The following TLR1 variants were observed in gnomAD, a reference collection of about 807,000 sequenced individuals.
The protein encoded by TLR1 is toll like receptor 1.
TLR1 carries 19 observed loss-of-function variants against 20.2 expected under a neutral mutation model. That is an observed-to-expected ratio of 0.94 (90% CI 0.66 to 1.38). The LOEUF is 1.38. Among genes scored for constraint, TLR1 ranks in the 40% most tolerant of loss-of-function variants. The pLI is 0.00. For synonymous variants in TLR1, 320 were observed against 334.5 expected (o/e 0.96, Z 0.47); for missense variants, 921 against 910.0 (o/e 1.01, Z -0.16).
At chr4:38,793,066 G>A (rs1330477794), downstream of TLR1, among the ~76,000 whole-genome samples, 1 of 151,902 alleles carries the variant, frequency 6.6e-6, no homozygotes, top group East Asian at 1.9e-4. Flanking sequence ...GCCAATAAAG[G>A]GGATTGGAGA....
At chr4:38,799,133 CA>C (rs1202440714) in intron 3 of TLR1, among the ~76,000 whole-genome samples, 1 of 152,094 alleles carries the variant, frequency 6.6e-6, no homozygotes, top group African/African-American at 2.4e-5. Context: ...GGTGGCTCAC[CA>C]AAAGATATGT....
chr4:38,802,118 A>G (rs1267831013), intron 2 of TLR1, among the ~76,000 whole-genome samples: 1 of 152,070 alleles, frequency 6.6e-6, no homozygotes, highest in Non-Finnish European at 1.5e-5. Context: ...AATTGCTTGA[A>G]CCCAGGAGGC....
chr4:38,800,097 C>T (rs1306329048), intron 3 of TLR1, among the ~76,000 whole-genome samples: 3 of 152,008 alleles, frequency 2.0e-5, no homozygotes, highest in Non-Finnish European at 4.4e-5. Context: ...GATGATGACA[C>T]TAGAGTAGAA....
In TLR1 at chr4:38,796,696, G is replaced by A; in HGVS notation, c.2136C>T (p.Tyr712=). ...CATGAAAGAGATTGTGATGGGCAAAGTAGAGTTCATAATGGCACCATTCAC... is the reference window on the plus strand; with the variant it reads ...CATGAAAGAGATTGTGATGGGCAAAATAGAGTTCATAATGGCACCATTCAC... The part of the protein sequence containing the change: ...VQSEWCHYEL[Y]FAHHNLFHEG... The change falls in exon 4 of 4, where the codon TAC becomes TAT. Residue 712 remains tyrosine, a synonymous_variant. Transcript: ENST00000308979. 2 of 1,614,194 alleles carry A rather than the reference G, an allele frequency of 1.2e-6. No homozygotes were observed. Among genetic ancestry groups the A allele is most frequent in the Non-Finnish European group, 1.7e-6 (2 of 1,180,044 alleles).
chr4:38,787,575 G>T (rs1415990937), downstream of TLR1, among the ~76,000 whole-genome samples: 2 of 151,736 alleles, frequency 1.3e-5, no homozygotes, highest in Non-Finnish European at 2.9e-5. Context: ...AAAAAGAGGT[G>T]AAATTAATTT....
Position 38,798,570 on chromosome 4 carries a change from CA to C in TLR1, c.261del (p.Ser87ArgfsTer20). 1.9e-6 allele frequency: 3 copies of C among 1,614,110 alleles called. No individual in the cohort carries two copies. Among genetic ancestry groups the C allele is most frequent in the Non-Finnish European group, 2.5e-6 (3 of 1,180,026 alleles). On this transcript the variant is annotated frameshift_variant, in exon 4 of 4. Transcript: ENST00000308979. LOFTEE classifies it low-confidence loss of function (END_TRUNC). ...TCCAATTCCTGGTTGAATTTGAAAA[CA>C]CTGATATCAAGATACTGGATTCTAT... ...SHNRIQYLDI[S>X]VFKFNQELEY...
rs1560455788 is a variant in TLR1, at chr4:38,796,648, C to T, written c.2184G>A (p.Leu728=). 6.2e-7 allele frequency: 1 copy of T among 1,614,130 alleles called. No homozygotes were observed. The change falls in exon 4 of 4, where the codon CTG becomes CTA. Residue 728 remains leucine, a synonymous_variant. Transcript: ENST00000308979. ...LFHEGSNSLI[L]ILLEPIPQYS... ...ACTGCGGAATGGGTTCCAGCAAGAT[C>T]AGGATTAAGCTATTAGATCCTTCAT...
rs1180120312 is a variant in TLR1, at chr4:38,796,314, T to C, written c.*157A>G. On this transcript the variant is annotated 3_prime_UTR_variant, in exon 4 of 4. Transcript: ENST00000308979. ...CATTTCATTAATTTTTAATACCACA[T>C]ATAAATGGTGAACTGCGACCCGAAG... 1.8e-5 allele frequency: 13 copies of C among 738,440 alleles called. No individual in the cohort carries two copies. The South Asian group carries it at 2.0e-4, about 12-fold the overall frequency. The allele number at this position is 738,440 out of a possible 1,614,324, so 45.7% of individuals were successfully genotyped here. A position where few individuals can be genotyped will look rare whatever the true frequency, so the allele number is the denominator to read the frequency against.
At chr4:38,800,322 G>A (rs1268374136) in intron 3 of TLR1, 1 of 152,156 alleles carries the variant, frequency 6.6e-6, no homozygotes, top group Non-Finnish European at 1.5e-5. Flanking sequence ...AAGGAGTTGG[G>A]ATTCTATTCC....
In TLR1 at chr4:38,798,510, T is replaced by C; in HGVS notation, c.322A>G (p.Ile108Val). The C allele has an allele frequency of 6.2e-7, 1 of 1,614,148 alleles. No homozygotes were observed. The highest frequency in any genetic ancestry group is 8.5e-7 in the Non-Finnish European group (1 of 1,180,024). ...LDLSHNKLVK[I>V]SCHPTVNLKH... The stretch of plus-strand genomic sequence containing the variant: ...AGGTTCACAGTAGGGTGGCAAGAAA[T>C]CTTCACCAACTTGTTGTGGGACAAA... The change falls in exon 4 of 4, where the codon ATT (isoleucine) becomes GTT (valine). Residue 108 changes from isoleucine to valine, a missense_variant. Transcript: ENST00000308979.
chr4:38,792,127 T>C (rs1338501940), downstream of TLR1, among the ~76,000 whole-genome samples: 7 of 152,204 alleles, frequency 4.6e-5, no homozygotes, highest in Non-Finnish European at 1.5e-5. Flanking sequence ...AAGGAATTCA[T>C]CTATGGACAG....
Position 38,798,743 on chromosome 4 carries a change from T to C in TLR1, c.89A>G (p.Asp30Gly), listed in dbSNP as rs763240496. ...QLSEESEFLV[D>G]RSKNGLIHVP... ...GTGGATGAGACCGTTTTTTGACCTA[T>C]CAACTAAAAATTCACTTTCTTCAGA... The change falls in exon 4 of 4, where the codon GAT (aspartate) becomes GGT (glycine). Residue 30 changes from aspartate to glycine, a missense_variant. By Grantham distance (94) the Asp-to-Gly change is moderately conservative. Coordinates refer to ENST00000308979, the MANE Select transcript of TLR1 (RefSeq NM_003263.4). The C allele has an allele frequency of 7.2e-5, 116 of 1,612,836 alleles. No homozygotes were observed. The highest frequency in any genetic ancestry group is 9.7e-5 in the Non-Finnish European group (114 of 1,179,792).
Position 38,797,856 on chromosome 4 carries a change from T to C in TLR1, c.976A>G (p.Met326Val). 1 of 1,614,046 alleles carries C rather than the reference T, an allele frequency of 6.2e-7. No homozygotes were observed. The highest frequency in any genetic ancestry group is 1.1e-5 in the South Asian group (1 of 91,088). Residue 326 changes from methionine (M) to valine (V), a missense_variant, in exon 4 of 4, where the codon ATG (methionine) becomes GTG (valine). By Grantham distance (21) the Met-to-Val change is conservative. Coordinates refer to ENST00000308979, the MANE Select transcript of TLR1 (RefSeq NM_003263.4). ...GACACTGTGAAATTTTTGATGTTCATATTCGAAAAGATTTCATAGATATAA... is the reference window on the plus strand; with the variant it reads ...GACACTGTGAAATTTTTGATGTTCACATTCGAAAAGATTTCATAGATATAA... ...QSYIYEIFSN[M>V]NIKNFTVSGT...
Position 38,798,239 on chromosome 4 carries a change from G to A in TLR1, c.593C>T (p.Thr198Ile), listed in dbSNP as rs764552709. 2 of 1,613,640 alleles carry A rather than the reference G, an allele frequency of 1.2e-6. No individual in the cohort carries two copies. Among genetic ancestry groups the A allele is most frequent in the Admixed American group, 1.7e-5 (1 of 59,976 alleles). The change falls in exon 4 of 4, where the codon ACA (threonine) becomes ATA (isoleucine). Residue 198 changes from threonine to isoleucine, a missense_variant. Transcript: ENST00000308979. ...NTESLHIVFPTNKEFHFILDV... is the reference protein window; with the variant it reads ...NTESLHIVFPINKEFHFILDV... Reference sequence around the variant, plus strand: ...CAAAATAAAATGGAATTCTTTGTTTGTGGGGAACACAATGTGCAGACTCTC... The same window carrying A: ...CAAAATAAAATGGAATTCTTTGTTTATGGGGAACACAATGTGCAGACTCTC...
Position 38,798,706 on chromosome 4 carries a change from G to T in TLR1, c.126C>A (p.Asp42Glu), listed in dbSNP as rs1370731409. Residue 42 changes from aspartate (D) to glutamate (E), a missense_variant, in exon 4 of 4, where the codon GAC becomes GAA. By Grantham distance (45) the Asp-to-Glu change is conservative. Transcript: ENST00000308979. The stretch of plus-strand genomic sequence containing the variant: ...TTAAGATTGTTGTTTTCTGGGATAG[G>T]TCTTTAGGAACGTGGATGAGACCGT... ...SKNGLIHVPKDLSQKTTILNI... is the reference protein window; with the variant it reads ...SKNGLIHVPKELSQKTTILNI... The T allele has an allele frequency of 6.2e-7, 1 of 1,613,864 alleles. No individual in the cohort carries two copies. Among genetic ancestry groups the T allele is most frequent in the South Asian group, 1.1e-5 (1 of 91,034 alleles).
chr4:38,798,215 A>T lies in TLR1; in HGVS notation c.617T>A (p.Leu206Ter), dbSNP rs1207411337. 6.2e-7 allele frequency: 1 copy of T among 1,613,954 alleles called. No individual in the cohort carries two copies. The highest frequency in any genetic ancestry group is 8.5e-7 in the Non-Finnish European group (1 of 1,179,860). ...FPTNKEFHFI[L>*]DVSVKTVANL... ...TGCTACAGTCTTGACTGACACATCC[A>T]AAATAAAATGGAATTCTTTGTTTGT... The change falls in exon 4 of 4, where the codon TTG becomes TAG. Residue 206 changes from leucine (L) to a stop codon, truncating the protein, a stop_gained. Transcript: ENST00000308979. LOFTEE classifies it low-confidence loss of function (END_TRUNC).
In TLR1 at chr4:38,797,949, A is replaced by T. The variant is rs1726262806; in HGVS notation, c.883T>A (p.Ser295Thr). ...GACAAGGCCTTCAAGGAAGTGCCAG[A>T]ATAATCAAAATCTCTGAAGTCCAGC... Reference protein sequence around the residue: ...GQLDFRDFDYSGTSLKALSIH... With the variant: ...GQLDFRDFDYTGTSLKALSIH... Residue 295 changes from serine (S) to threonine (T), a missense_variant, in exon 4 of 4, where the codon TCT (serine) becomes ACT (threonine). Coordinates refer to ENST00000308979, the MANE Select transcript of TLR1 (RefSeq NM_003263.4). 1.2e-6 allele frequency: 2 copies of T among 1,614,096 alleles called. No homozygotes were observed. Among genetic ancestry groups the T allele is most frequent in the African/African-American group, 2.7e-5 (2 of 74,950 alleles).
chr4:38,797,158 G>A lies in TLR1; in HGVS notation c.1674C>T (p.Tyr558=), dbSNP rs1726155752. ...GTAGGGTTCCTCTATAACTTTCCGG[G>A]TAGTCACACTTATAAGAATCAGGCC... is the stretch of plus-strand genomic sequence containing the variant. ...EGWPDSYKCD[Y]PESYRGTLLK... Residue 558 remains tyrosine (Y), a synonymous_variant, in exon 4 of 4, where the codon TAC becomes TAT. Transcript: ENST00000308979. 6.2e-7 allele frequency: 1 copy of A among 1,614,184 alleles called. No homozygotes were observed. Among genetic ancestry groups the A allele is most frequent in the Non-Finnish European group, 8.5e-7 (1 of 1,180,030 alleles).
At position 38,797,222 on chromosome 4, in the gene TLR1, T is replaced by C; in HGVS notation, c.1610A>G (p.Lys537Arg). Reference protein sequence around the residue: ...QCTCELGEFVKNIDQVSSEVL... With the variant: ...QCTCELGEFVRNIDQVSSEVL... Reference sequence around the variant, plus strand: ...TTCACTTGATACTTGGTCTATATTTTTGACAAATTCTCCTAGCTCACAGGT... The same window carrying C: ...TTCACTTGATACTTGGTCTATATTTCTGACAAATTCTCCTAGCTCACAGGT... The change falls in exon 4 of 4, where the codon AAA becomes AGA. Residue 537 changes from lysine (K) to arginine (R), a missense_variant. By Grantham distance (26) the Lys-to-Arg change is conservative. Coordinates refer to ENST00000308979, the MANE Select transcript of TLR1 (RefSeq NM_003263.4). 1.2e-6 allele frequency: 2 copies of C among 1,614,258 alleles called. No individual in the cohort carries two copies. Among genetic ancestry groups the C allele is most frequent in the South Asian group, 2.2e-5 (2 of 91,088 alleles).
Sources: allele counts gnomAD v4.1 joint callset (sites outside exome capture counted in the v4.1 genomes callset), GRCh38; gene constraint gnomAD v4.1.1; transcripts MANE v1.5; gene names NCBI Gene and HGNC (gene_info 2026-07-23, HGNC 2026-07-21).